Variants in BACH2 observed in about 807,000 individuals in gnomAD.
The protein encoded by BACH2 is BACH transcriptional regulator 2, also known as transcription regulator protein BACH2.
In BACH2, 5 loss-of-function variants were observed where a neutral mutation model predicts 61.8. That is an observed-to-expected ratio of 0.08 (90% CI 0.04 to 0.17). The LOEUF (loss-of-function observed/expected upper bound fraction) is 0.17. Among genes scored for constraint, BACH2 ranks in the 10% least tolerant of loss-of-function variants. The pLI is 1.00. For synonymous variants in BACH2, 446 were observed against 440.1 expected, an observed-to-expected ratio of 1.01 and a Z score of -0.17; for missense variants, 824 against 1,091.1, an observed-to-expected ratio of 0.76 and a Z score of 3.45.
intron 4 of BACH2, among the ~76,000 whole-genome samples, chr6:90,111,197 G>T (rs1033590820): frequency 2.0e-5 from 3 of 152,122 alleles, no homozygotes; most frequent in African/African-American, 7.2e-5. Context: ...CGGGCCCCCA[G>T]GAACCCACAG....
intron 4 of BACH2, chr6:90,116,866 T>A: frequency 1.6e-6 from 1 of 628,074 alleles, no homozygotes; most frequent in Non-Finnish European, 2.4e-6. Context: ...TGATATTTGA[T>A]AGATGCCTCC....
intron 6 of BACH2, among the ~76,000 whole-genome samples, chr6:89,966,842 T>G (rs1195380769): frequency 1.3e-5 from 2 of 152,176 alleles, no homozygotes; most frequent in Non-Finnish European, 2.9e-5. Context: ...TTCAGGTTGC[T>G]GGGGCATGAA....
intron 7 of BACH2, among the ~76,000 whole-genome samples, chr6:89,939,823 A>T (rs1228176428): frequency 2.2e-5 from 2 of 91,390 alleles, no homozygotes; most frequent in African/African-American, 8.2e-5. Flanking sequence ...AGTTAATTAA[A>T]TTTTTTTTTT....
Position 90,029,857 on chromosome 6 carries a change from C to T in BACH2, c.-12-21001G>A, listed in dbSNP as rs986705409. Among the ~76,000 whole-genome samples, 4 of 152,122 alleles carry T rather than the reference C, an allele frequency of 2.6e-5. No homozygotes were observed. The South Asian group carries it at 6.2e-4, about 24-fold the overall frequency. On this transcript the variant is annotated intron_variant, in intron 5 of 8. Coordinates refer to ENST00000257749, the MANE Select transcript of BACH2 (RefSeq NM_021813.4). ...AAAACTTACTCCATTCTAAGCAATG[C>T]GACCGTTAGAGAAAACTAATGATAT... is the stretch of plus-strand genomic sequence containing the variant.
At chr6:90,188,895 T>G (rs1027456247) in intron 4 of BACH2, among the ~76,000 whole-genome samples, 2 of 152,122 alleles carry the variant, frequency 1.3e-5, no homozygotes, top group Admixed American at 1.3e-4. Context: ...CCTTAAATTG[T>G]GGGCTCACCC....
intron 4 of BACH2, among the ~76,000 whole-genome samples, chr6:90,109,451 T>A (rs909034543): frequency 2.0e-5 from 3 of 152,094 alleles, no homozygotes; most frequent in East Asian, 1.9e-4. Flanking sequence ...TGGAGCTCCA[T>A]CCACGGACTT....
intron 2 of BACH2, among the ~76,000 whole-genome samples, chr6:90,261,699 T>C (rs1052490747): frequency 1.3e-5 from 2 of 152,166 alleles, no homozygotes; most frequent in African/African-American, 4.8e-5. Flanking sequence ...AAAAGTCCAC[T>C]TCCTAGGGCT....
chr6:90,024,707 G>A (rs556995798), intron 5 of BACH2, among the ~76,000 whole-genome samples: 1 of 152,202 alleles, frequency 6.6e-6, no homozygotes, highest in African/African-American at 2.4e-5. Flanking sequence ...CTGGCTGGAA[G>A]GGAAAAATGC....
chr6:90,147,534 T>C (rs558723407), intron 4 of BACH2, among the ~76,000 whole-genome samples: 3 of 152,274 alleles, frequency 2.0e-5, no homozygotes, highest in Non-Finnish European at 2.9e-5. Context: ...AGTAGTTTCA[T>C]TGTCTAGAAG....
At position 89,981,849 on chromosome 6, in the gene BACH2, CAG is replaced by C. The variant is rs1201626700; in HGVS notation, c.243+26751_243+26752del. On this transcript the variant is annotated intron_variant, in intron 6 of 8. Coordinates refer to ENST00000257749, the MANE Select transcript of BACH2 (RefSeq NM_021813.4). Reference sequence around the variant, plus strand: ...TAAATCAATGCAATATATTATTTGACAGAGTTATACGGAGCTCCTGATAACCA... The same window carrying C: ...TAAATCAATGCAATATATTATTTGACAGTTATACGGAGCTCCTGATAACCA... 2.0e-5 allele frequency among the ~76,000 whole-genome samples: 3 copies of C among 152,246 alleles called. No individual in the cohort carries two copies. In the East Asian group the frequency reaches 5.8e-4, roughly 29 times the overall value.
At chr6:90,102,591 C>A (rs1782686819) in intron 4 of BACH2, among the ~76,000 whole-genome samples, 2 of 151,870 alleles carry the variant, frequency 1.3e-5, no homozygotes, top group Non-Finnish European at 2.9e-5. Context: ...GAGTTCAAGA[C>A]CAGCCTGGCC....
intron 4 of BACH2, among the ~76,000 whole-genome samples, chr6:90,150,216 C>T (rs1030705498): frequency 6.6e-6 from 1 of 152,154 alleles, no homozygotes; most frequent in Non-Finnish European, 1.5e-5. Context: ...TAATCACATG[C>T]ACTACTCTAG....
chr6:89,984,962 T>C (rs559300134), intron 6 of BACH2, among the ~76,000 whole-genome samples: 1 of 152,338 alleles, frequency 6.6e-6, no homozygotes, highest in East Asian at 1.9e-4. Context: ...CTGTACATAT[T>C]CCTATTCTGG....
At chr6:90,081,738 G>C (rs1781731965) in intron 5 of BACH2, among the ~76,000 whole-genome samples, 1 of 152,056 alleles carries the variant, frequency 6.6e-6, no homozygotes, top group Non-Finnish European at 1.5e-5. Flanking sequence ...CTAGCAGCTA[G>C]CTGCTTACTA....
intron 4 of BACH2, among the ~76,000 whole-genome samples, chr6:90,146,364 G>A (rs969826808): frequency 1.3e-5 from 2 of 152,204 alleles, no homozygotes; most frequent in African/African-American, 4.8e-5. Flanking sequence ...TCTCTCTTGC[G>A]TGCGTGTGCT....
intron 1 of BACH2, among the ~76,000 whole-genome samples, chr6:90,295,735 C>T (rs1021430578): frequency 6.6e-6 from 1 of 152,098 alleles, no homozygotes; most frequent in Non-Finnish European, 1.5e-5. Context: ...CAAGGTTTCC[C>T]TCTCAGAAGC....
At chr6:90,192,905 T>C (rs917331465) in intron 4 of BACH2, among the ~76,000 whole-genome samples, 1 of 152,232 alleles carries the variant, frequency 6.6e-6, no homozygotes. Flanking sequence ...ATTACCTTTT[T>C]GAGAGCTCTC....
intron 4 of BACH2, among the ~76,000 whole-genome samples, chr6:90,182,981 A>G (rs1326076452): frequency 6.6e-6 from 1 of 152,210 alleles, no homozygotes; most frequent in Non-Finnish European, 1.5e-5. Context: ...TTTTGAACTT[A>G]AAACTGCACT....
At chr6:90,002,326 T>C (rs1264332584) in intron 6 of BACH2, among the ~76,000 whole-genome samples, 1 of 152,208 alleles carries the variant, frequency 6.6e-6, no homozygotes, top group Non-Finnish European at 1.5e-5. Flanking sequence ...GGTGATCGTA[T>C]GTAGTCCTGT....
Sources: allele counts gnomAD v4.1 joint callset (sites outside exome capture counted in the v4.1 genomes callset), GRCh38; gene constraint gnomAD v4.1.1; transcripts MANE v1.5; gene names NCBI Gene and HGNC (gene_info 2026-07-23, HGNC 2026-07-21).